The following TOGARAM1 variants were observed in gnomAD, a reference collection of about 807,000 sequenced individuals.
TOGARAM1 encodes the protein TOG array regulator of axonemal microtubules protein 1.
TOGARAM1 carries 100 observed loss-of-function variants against 166.6 expected under a neutral mutation model. That is an observed-to-expected ratio of 0.60 (90% CI 0.51 to 0.71). TOGARAM1 has a LOEUF of 0.71. TOGARAM1 is among the 30% of genes least tolerant of loss of function. TOGARAM1 has a pLI of 0.00. For missense variants in TOGARAM1, 2,029 were observed against 2,102.7 expected (o/e 0.96, Z 0.69); for synonymous variants, 758 against 763.8 (o/e 0.99, Z 0.13).
chr14:45,017,582 T>G (rs964412277), intron 7 of TOGARAM1, among the ~76,000 whole-genome samples: 3 of 152,194 alleles, frequency 2.0e-5, no homozygotes, highest in African/African-American at 7.2e-5. Flanking sequence ...AAAGCTTTGC[T>G]GTTATCATTA....
At chr14:45,051,445 G>A (rs1882360704) in intron 14 of TOGARAM1, among the ~76,000 whole-genome samples, 1 of 152,094 alleles carries the variant, frequency 6.6e-6, no homozygotes, top group South Asian at 2.1e-4. Flanking sequence ...TGGACCTTGG[G>A]GTGCCTGAAA....
chr14:45,003,589 T>A (rs1044047124), intron 3 of TOGARAM1, among the ~76,000 whole-genome samples: 2 of 151,992 alleles, frequency 1.3e-5, no homozygotes, highest in Middle Eastern at 3.2e-3. Context: ...TCAAGATAGG[T>A]TGAGAGAAAG....
chr14:45,044,207 A>C lies in TOGARAM1; in HGVS notation c.3918+416A>C, dbSNP rs370297552. Among the ~76,000 whole-genome samples the C allele has an allele frequency of 1.1e-4, 16 of 152,060 alleles. 1 individual carries two copies. In the East Asian group the frequency reaches 2.9e-3, roughly 28 times the overall value. On this transcript the variant is annotated intron_variant, in intron 12 of 19. Transcript: ENST00000361462. ...GTATTTTGAGTAGAGACAGGCTTTG[A>C]CCATATTGGCCAGGCTGGTCTTGAA...
At chr14:45,000,664 G>A (rs1179332954) in intron 3 of TOGARAM1, among the ~76,000 whole-genome samples, 1 of 152,162 alleles carries the variant, frequency 6.6e-6, no homozygotes, top group African/African-American at 2.4e-5. Flanking sequence ...CAATAAACAT[G>A]GAAGTGCAAT....
Position 45,004,254 on chromosome 14 carries a change from T to G in TOGARAM1, c.2532T>G (p.Ser844=). ...IISPKKSQDN[S]VNFSNSWPLK... The stretch of plus-strand genomic sequence containing the variant: ...CTCCAAAGAAGTCTCAAGATAATTC[T>G]GTTAATTTCTCAAATTCCTGGCCTC... Residue 844 remains serine (S), a synonymous_variant, in exon 4 of 20, where the codon TCT becomes TCG. Coordinates refer to ENST00000361462, the MANE Select transcript of TOGARAM1 (RefSeq NM_001308120.2). 1 of 1,614,066 alleles carries G rather than the reference T, an allele frequency of 6.2e-7. No homozygotes were observed. The highest frequency in any genetic ancestry group is 8.5e-7 in the Non-Finnish European group (1 of 1,179,944).
chr14:45,025,047 G>C (rs1379653403), intron 7 of TOGARAM1, among the ~76,000 whole-genome samples: 1 of 152,150 alleles, frequency 6.6e-6, no homozygotes, highest in Non-Finnish European at 1.5e-5. Flanking sequence ...ACTAGACATA[G>C]ATCCTATCCC....
At chr14:45,069,915 G>T (rs2139009202) in intron 18 of TOGARAM1, among the ~76,000 whole-genome samples, 1 of 152,302 alleles carries the variant, frequency 6.6e-6, no homozygotes. Context: ...AGGCACAGTG[G>T]CTCACACCTG....
chr14:45,049,697 T>C (rs1393487224), intron 14 of TOGARAM1, among the ~76,000 whole-genome samples: 1 of 152,202 alleles, frequency 6.6e-6, no homozygotes, highest in Non-Finnish European at 1.5e-5. Context: ...ATTTTAGGGA[T>C]TGGAGCAGGA....
Position 44,963,989 on chromosome 14 carries a change from A to G in TOGARAM1, c.1568A>G (p.Lys523Arg). 1 of 1,614,230 alleles carries G rather than the reference A, an allele frequency of 6.2e-7. No homozygotes were observed. Among genetic ancestry groups the G allele is most frequent in the Non-Finnish European group, 8.5e-7 (1 of 1,180,046 alleles). The stretch of plus-strand genomic sequence containing the variant: ...CTTGCCCCAGCTCTTGTAGATAGCA[A>G]ACGCAGGGTACGCCAAGCAGCTTTA... ...FDLAPALVDS[K>R]RRVRQAALEA... Residue 523 changes from lysine to arginine, a missense_variant, in exon 1 of 20, where the codon AAA becomes AGA. Physicochemically the swap from Lys to Arg is conservative, Grantham distance 26. This residue lies in a region of TOGARAM1 where 1,453 missense variants were observed against 1,432.2 expected (regional missense o/e 1.01). Coordinates refer to ENST00000361462, the MANE Select transcript of TOGARAM1 (RefSeq NM_001308120.2).
At chr14:45,039,087 C>T (rs952967844) in intron 11 of TOGARAM1, among the ~76,000 whole-genome samples, 13 of 151,450 alleles carry the variant, frequency 8.6e-5, no homozygotes, top group Admixed American at 8.5e-4. Flanking sequence ...ACAGGCAGGT[C>T]GTTTTGGTGT....
chr14:44,974,159 T>G (rs1886055462), intron 1 of TOGARAM1, among the ~76,000 whole-genome samples: 1 of 152,000 alleles, frequency 6.6e-6, no homozygotes, highest in Admixed American at 6.6e-5. Context: ...GTTACACGTT[T>G]TGTAGTTTTC....
At position 45,073,645 on chromosome 14, in the gene TOGARAM1, T is replaced by C; in HGVS notation, c.*84T>C. On this transcript the variant is annotated 3_prime_UTR_variant, in exon 20 of 20. Coordinates refer to ENST00000361462, the MANE Select transcript of TOGARAM1 (RefSeq NM_001308120.2). ...TTCTAAAAGTTATGTTATCAGTGCC[T>C]GCACTTCACATCCAGCAAATTAAGT... 7.8e-7 allele frequency: 1 copy of C among 1,286,152 alleles called. No individual in the cohort carries two copies. Among genetic ancestry groups the C allele is most frequent in the Admixed American group, 2.4e-5 (1 of 42,256 alleles). The allele number at this position is 1,286,152 out of a possible 1,614,324, so 79.7% of individuals were successfully genotyped here. A position where few individuals can be genotyped will look rare whatever the true frequency, so the allele number is the denominator to read the frequency against.
chr14:45,022,594 T>C (rs1300109178), intron 7 of TOGARAM1, among the ~76,000 whole-genome samples: 3 of 151,924 alleles, frequency 2.0e-5, no homozygotes, highest in African/African-American at 7.3e-5. Flanking sequence ...CAGGCAAAAG[T>C]ATTTTTCCTT....
In TOGARAM1 at chr14:45,028,218, CA is replaced by C; in HGVS notation, c.3551del (p.Lys1184ArgfsTer25). The C allele has an allele frequency of 6.3e-7, 1 of 1,588,574 alleles. No homozygotes were observed. The highest frequency in any genetic ancestry group is 1.4e-5 in the African/African-American group (1 of 72,584). ...ISKSTYNKMR[Q>X]KRKEEKELFH... is the part of the protein sequence containing the mutation. ...TAAATCTACTTATAACAAGATGAGACAAAAGAGAAAAGAAGAGAAAGAACTG... is the reference window on the plus strand; with the variant it reads ...TAAATCTACTTATAACAAGATGAGACAAAGAGAAAAGAAGAGAAAGAACTG... On this transcript the variant is annotated frameshift_variant, in exon 10 of 20. Transcript: ENST00000361462. LOFTEE classifies it high-confidence loss of function.
At chr14:45,044,507 C>G in intron 12 of TOGARAM1, 128 bp from the exon 13 acceptor site, 1 of 676,996 alleles carries the variant, frequency 1.5e-6, no homozygotes, top group Non-Finnish European at 2.4e-6. Context: ...TGCTACTGCA[C>G]TCCAGCCTGG....
chr14:45,024,411 TAATG>T (rs1451238006), intron 7 of TOGARAM1, among the ~76,000 whole-genome samples: 33 of 151,912 alleles, frequency 2.2e-4, no homozygotes, highest in African/African-American at 7.8e-4. Context: ...AATTGAGACT[TAATG>T]AACAATATTT....
chr14:45,028,761 T>A (rs1041091336), intron 10 of TOGARAM1, among the ~76,000 whole-genome samples: 5 of 152,164 alleles, frequency 3.3e-5, no homozygotes, highest in Admixed American at 6.5e-5. Context: ...TGTTGTTTTT[T>A]AAAATATTGA....
chr14:44,995,625 T>C (rs1237538143), intron 1 of TOGARAM1, 121 bp from the exon 2 acceptor site: 6 of 694,474 alleles, frequency 8.6e-6, no homozygotes, highest in East Asian at 8.6e-5. Context: ...TATCATTATA[T>C]ATTTGATAAA....
chr14:45,020,798 T>C (rs930261357), intron 7 of TOGARAM1, among the ~76,000 whole-genome samples: 18 of 151,928 alleles, frequency 1.2e-4, no homozygotes, highest in African/African-American at 4.4e-4. Context: ...ACGGGTGAGG[T>C]TTGAGGTATG....
Sources: allele counts gnomAD v4.1 joint callset (sites outside exome capture counted in the v4.1 genomes callset), GRCh38; gene constraint gnomAD v4.1.1; regional missense constraint gnomAD v4.1.1; transcripts MANE v1.5; gene names NCBI Gene and HGNC (gene_info 2026-07-23, HGNC 2026-07-21).